Variants in RESF1 observed in about 807,000 individuals in gnomAD.
The protein encoded by RESF1 is retroelement silencing factor 1.
RESF1 carries 65 observed loss-of-function variants against 134.7 expected under a neutral mutation model. The observed-to-expected ratio is 0.48, with a 90% CI of 0.40 to 0.59. The LOEUF (loss-of-function observed/expected upper bound fraction) is 0.59. Among genes scored for constraint, RESF1 ranks in the 20% least tolerant of loss-of-function variants. RESF1 has a pLI of 0.00. For missense variants in RESF1, 2,274 were observed against 2,002.7 expected, an observed-to-expected ratio of 1.14 and a Z score of -2.59; for synonymous variants, 762 against 702.2, an observed-to-expected ratio of 1.09 and a Z score of -1.35.
intron 2 of RESF1, among the ~76,000 whole-genome samples, chr12:31,962,875 A>T (rs1357293991): frequency 2.0e-5 from 3 of 152,148 alleles, no homozygotes; most frequent in African/African-American, 4.8e-5. Flanking sequence ...AGGTGGGCAG[A>T]TCACCTGAGG....
At chr12:31,977,444 C>T (rs924728102) in intron 3 of RESF1, among the ~76,000 whole-genome samples, 3 of 152,164 alleles carry the variant, frequency 2.0e-5, no homozygotes, top group Non-Finnish European at 4.4e-5. Flanking sequence ...CCTCGGCCTC[C>T]CAAAGTGCTG....
chr12:31,960,193 C>A (rs190895757), intron 1 of RESF1, among the ~76,000 whole-genome samples: 1 of 152,140 alleles, frequency 6.6e-6, no homozygotes, highest in African/African-American at 2.4e-5. Flanking sequence ...CCTAAGCAAA[C>A]GTCCTTAGGG....
intron 5 of RESF1, 140 bp downstream of exon 5, chr12:31,987,462 G>A (rs943583919): frequency 3.8e-5 from 22 of 573,346 alleles, no homozygotes; most frequent in Non-Finnish European, 6.2e-5. Context: ...GTTTGTGTTT[G>A]AGTGGTAGGA....
Position 31,987,016 on chromosome 12 carries a change from T to G in RESF1, c.5003-223T>G, listed in dbSNP as rs550230342. 697 of 366,122 alleles carry G rather than the reference T, an allele frequency of 1.9e-3. 2 individuals carry two copies. The highest frequency in any genetic ancestry group is 3.1e-3 in the Non-Finnish European group (617 of 201,548). 22.7% of individuals were successfully genotyped at this position (366,122 alleles called of 1,614,324 possible). A position where few individuals can be genotyped will look rare whatever the true frequency, so the allele number is the denominator to read the frequency against. On this transcript the variant is annotated intron_variant, in intron 4 of 5. Coordinates refer to ENST00000312561, the MANE Select transcript of RESF1 (RefSeq NM_018169.4). ...GATGTATTAACCTCTTCAGTTCATG[T>G]GAGGGGAACATAATTACATAGTAAA...
At chr12:31,964,448 G>T (rs1005938910) in intron 2 of RESF1, among the ~76,000 whole-genome samples, 2 of 152,146 alleles carry the variant, frequency 1.3e-5, no homozygotes, top group African/African-American at 4.8e-5. Flanking sequence ...CCAAGCTCCT[G>T]CAAAGGACAT....
At position 31,985,725 on chromosome 12, in the gene RESF1, T is replaced by C; in HGVS notation, c.4770T>C (p.Thr1590=). The C allele has an allele frequency of 6.3e-7, 1 of 1,595,116 alleles. No individual in the cohort carries two copies. The highest frequency in any genetic ancestry group is 8.5e-7 in the Non-Finnish European group (1 of 1,175,008). The change falls in exon 4 of 6, where the codon ACT becomes ACC. Residue 1590 remains threonine (T), a synonymous_variant. Transcript: ENST00000312561. ...LYLNRVGFKC[T]ERESISLTKL... Reference sequence around the variant, plus strand: ...TGAATAGAGTTGGGTTTAAATGCACTGAACGTGAAAGCATTTCTCTCACCA... The same window carrying C: ...TGAATAGAGTTGGGTTTAAATGCACCGAACGTGAAAGCATTTCTCTCACCA...
At chr12:31,963,747 G>C (rs1180066186) in intron 2 of RESF1, among the ~76,000 whole-genome samples, 1 of 152,056 alleles carries the variant, frequency 6.6e-6, no homozygotes, top group Non-Finnish European at 1.5e-5. Flanking sequence ...CCTTTCCCTA[G>C]GTAACCATTA....
rs183502701 is a variant in RESF1 at position 31,975,784 on chromosome 12, G to C, written c.-78-5094G>C. ...TTTTCACTCAGTCTTGTGTTTGTTA[G>C]ATTCATGTTGCATATAGCCTTTTAT... is the stretch of plus-strand genomic sequence containing the variant. On this transcript the variant is annotated intron_variant, in intron 3 of 5. Transcript: ENST00000312561. 1.3e-4 allele frequency among the ~76,000 whole-genome samples: 20 copies of C among 152,282 alleles called. No homozygotes were observed. In the East Asian group the frequency reaches 1.5e-3, roughly 12 times the overall value.
chr12:31,987,218 T>C (rs1239516183), intron 4 of RESF1, 21 bp from the exon 5 acceptor site: 1 of 1,335,176 alleles, frequency 7.5e-7, no homozygotes. Flanking sequence ...TCTAGAGTTC[T>C]GAAAATGAAT....
intron 2 of RESF1, among the ~76,000 whole-genome samples, chr12:31,964,511 TTTTCTTTATGCGGTTTA>T (rs1939354889): frequency 6.6e-6 from 1 of 152,350 alleles, no homozygotes; most frequent in Admixed American, 6.5e-5. Context: ...ATGTGTACTG[TTTTCTTTATGCGGTTTA>T]CCGTTGATGG....
At position 31,981,799 on chromosome 12, in the gene RESF1, T is replaced by C. The variant is rs767220680; in HGVS notation, c.844T>C (p.Tyr282His). ...TGACAAAAGACCTCCTCCTCCTCCT[T>C]ACAACTGTAGATATGGAAGCCAGCC... ...QTDKRPPPPP[Y>H]NCRYGSQPLQ... Residue 282 changes from tyrosine to histidine, a missense_variant, in exon 4 of 6, where the codon TAC becomes CAC. Transcript: ENST00000312561. 22 of 1,613,896 alleles carry C rather than the reference T, an allele frequency of 1.4e-5. No homozygotes were observed. In the South Asian group the frequency reaches 1.4e-4, roughly 10 times the overall value.
chr12:31,980,106 TC>T (rs1380260125), intron 3 of RESF1, among the ~76,000 whole-genome samples: 8 of 124,508 alleles, frequency 6.4e-5, no homozygotes, highest in African/African-American at 1.2e-4. Context: ...AATTTTCTTT[TC>T]CTTTTTTTTT....
At chr12:31,987,424 GTTCT>G in intron 5 of RESF1, 102 bp downstream of exon 5, 2 of 623,820 alleles carry the variant, frequency 3.2e-6, no homozygotes, top group Non-Finnish European at 5.2e-6. Context: ...TTTTATCCAT[GTTCT>G]TTTTTTTTTT....
chr12:31,983,660 A>G lies in RESF1; in HGVS notation c.2705A>G (p.Asp902Gly), dbSNP rs763719689. The G allele has an allele frequency of 1.2e-6, 2 of 1,614,048 alleles. No homozygotes were observed. The highest frequency in any genetic ancestry group is 1.7e-6 in the Non-Finnish European group (2 of 1,179,988). ...AATATTTGTTCTCTGGTTGAAGGTG[A>G]TACCTCTTACAATTCCCAAATAGCA... ...IDNICSLVEGDTSYNSQIAKI... is the reference protein window; with the variant it reads ...IDNICSLVEGGTSYNSQIAKI... Residue 902 changes from aspartate to glycine, a missense_variant, in exon 4 of 6, where the codon GAT becomes GGT. Coordinates refer to ENST00000312561, the MANE Select transcript of RESF1 (RefSeq NM_018169.4).
chr12:31,979,447 G>A (rs1344526256), intron 3 of RESF1, among the ~76,000 whole-genome samples: 4 of 152,158 alleles, frequency 2.6e-5, no homozygotes, highest in African/African-American at 9.7e-5. Context: ...AAGCAAACAA[G>A]GTATGCTTTC....
intron 4 of RESF1, 116 bp from the exon 5 acceptor site, chr12:31,987,123 T>C (rs1939990667): frequency 1.6e-6 from 1 of 613,728 alleles, no homozygotes; most frequent in African/African-American, 1.9e-5. Context: ...GTGTTACATG[T>C]GGTTATATCT....
At chr12:31,985,994 G>T (rs1592265619) in intron 4 of RESF1, 37 bp downstream of exon 4, 1 of 1,340,696 alleles carries the variant, frequency 7.5e-7, no homozygotes, top group East Asian at 2.7e-5. Flanking sequence ...CTACAATATT[G>T]TAAAGAGTCG....
At chr12:31,968,747 C>T (rs550986056) in intron 2 of RESF1, among the ~76,000 whole-genome samples, 1 of 152,320 alleles carries the variant, frequency 6.6e-6, no homozygotes, top group East Asian at 1.9e-4. Context: ...CGCGCCCGGC[C>T]TAGGACTTCT....
chr12:31,992,881 G>A lies in RESF1; in HGVS notation c.*346G>A. The A allele has an allele frequency of 4.5e-6, 1 of 220,586 alleles. No individual in the cohort carries two copies. The highest frequency in any genetic ancestry group is 9.0e-6 in the Non-Finnish European group (1 of 111,344). 13.7% of individuals were successfully genotyped at this position (220,586 alleles called of 1,614,324 possible). On this transcript the variant is annotated 3_prime_UTR_variant, in exon 6 of 6. Coordinates refer to ENST00000312561, the MANE Select transcript of RESF1 (RefSeq NM_018169.4). ...AGTTAAGGACTTGTTTATTTAAATG[G>A]GACTGTAAATATGTTTTGGTTTCTA...
Sources: gnomAD v4.1 joint callset for allele counts (sites outside exome capture counted in the v4.1 genomes callset) on GRCh38, gnomAD v4.1.1 for gene constraint, MANE v1.5 for transcripts, NCBI Gene and HGNC (gene_info 2026-07-23, HGNC 2026-07-21) for gene names.